The following HEMK2 variants were observed in gnomAD, a reference collection of about 807,000 sequenced individuals.
The protein encoded by HEMK2 is HemK methyltransferase 2, ETF1 glutamine and histone H4 lysine.
the HEMK2 span, among the ~76,000 whole-genome samples, chr21:28,768,633 T>C: frequency 6.6e-6 from 1 of 152,018 alleles, no homozygotes; most frequent in African/African-American, 2.4e-5. Context: ...CGGTCTCCTC[T>C]AGAGTACAAC....
chr21:28,856,445 G>A, the HEMK2 span, among the ~76,000 whole-genome samples: 1 of 152,082 alleles, frequency 6.6e-6, no homozygotes, highest in East Asian at 1.9e-4. Context: ...TAATAATTAA[G>A]GTTATTTTGG....
chr21:28,677,584 C>T, the HEMK2 span, among the ~76,000 whole-genome samples: 10,266 of 152,288 alleles, frequency 0.067, 550 homozygotes, highest in East Asian at 0.14. Context: ...GATCTGAGAA[C>T]GGACAGACTG....
At chr21:28,637,567 T>G in the HEMK2 span, among the ~76,000 whole-genome samples, 1 of 152,154 alleles carries the variant, frequency 6.6e-6, no homozygotes, top group Non-Finnish European at 1.5e-5. Context: ...GCCTCACTTC[T>G]CCACCTGGGG....
the HEMK2 span, among the ~76,000 whole-genome samples, chr21:28,668,001 G>T: frequency 6.6e-6 from 1 of 152,076 alleles, no homozygotes; most frequent in South Asian, 2.1e-4. Context: ...ACTCTGTCTG[G>T]GAAACACAGA....
the HEMK2 span, among the ~76,000 whole-genome samples, chr21:28,583,682 G>A: frequency 6.6e-6 from 1 of 152,148 alleles, no homozygotes; most frequent in Non-Finnish European, 1.5e-5. Flanking sequence ...TGGAAGTCTT[G>A]TTAAGACAGG....
At chr21:28,713,784 T>G in the HEMK2 span, among the ~76,000 whole-genome samples, 9 of 152,270 alleles carry the variant, frequency 5.9e-5, no homozygotes, top group African/African-American at 2.2e-4. Context: ...TCTGTGAAGA[T>G]GGCACATAGC....
chr21:28,678,478 T>G, the HEMK2 span, among the ~76,000 whole-genome samples: 11 of 152,098 alleles, frequency 7.2e-5, no homozygotes, highest in African/African-American at 2.7e-4. Flanking sequence ...CTGCAGGATA[T>G]TACCCAGGAG....
At chr21:28,712,364 A>G in the HEMK2 span, among the ~76,000 whole-genome samples, 1 of 152,252 alleles carries the variant, frequency 6.6e-6, no homozygotes. Flanking sequence ...AATAGAGAAG[A>G]AGAGGCAAAA....
the HEMK2 span, among the ~76,000 whole-genome samples, chr21:28,607,118 C>T: frequency 6.6e-6 from 1 of 152,050 alleles, no homozygotes; most frequent in African/African-American, 2.4e-5. Context: ...ATGGTAAAAA[C>T]ATTGTTTGAG....
At chr21:28,601,124 C>G in the HEMK2 span, among the ~76,000 whole-genome samples, 7 of 152,190 alleles carry the variant, frequency 4.6e-5, no homozygotes, top group African/African-American at 1.4e-4. Context: ...CCACCGGTAT[C>G]GTGTGCCTGG....
chr21:28,738,078 A>G, the HEMK2 span, among the ~76,000 whole-genome samples: 7 of 152,106 alleles, frequency 4.6e-5, no homozygotes, highest in Non-Finnish European at 7.4e-5. Flanking sequence ...GCAAGTGGAG[A>G]GCTCAGAATA....
chr21:28,796,660 G>A, the HEMK2 span, among the ~76,000 whole-genome samples: 3 of 152,106 alleles, frequency 2.0e-5, no homozygotes, highest in African/African-American at 7.2e-5. Flanking sequence ...TACCTCTTGG[G>A]CTCAAGTGAT....
At chr21:28,747,377 T>G in the HEMK2 span, among the ~76,000 whole-genome samples, 2 of 152,226 alleles carry the variant, frequency 1.3e-5, no homozygotes, top group Admixed American at 6.5e-5. Flanking sequence ...GCCAGATCAG[T>G]TTCTCTGAGT....
the HEMK2 span, among the ~76,000 whole-genome samples, chr21:28,817,339 T>C: frequency 5.2e-3 from 795 of 152,226 alleles, 7 homozygotes; most frequent in African/African-American, 0.018. Context: ...AAATTAAAGA[T>C]AATGTATAAT....
At chr21:28,700,681 G>A in the HEMK2 span, among the ~76,000 whole-genome samples, 84,588 of 151,986 alleles carry the variant, frequency 0.56, 26,208 homozygotes, top group East Asian at 0.84. Flanking sequence ...AAAAGTCCAG[G>A]ACCAGAAAGA....
chr21:28,825,246 T>C, the HEMK2 span, among the ~76,000 whole-genome samples: 3 of 152,170 alleles, frequency 2.0e-5, no homozygotes, highest in African/African-American at 7.2e-5. Context: ...CACAAATTGC[T>C]GGGCACCACC....
the HEMK2 span, among the ~76,000 whole-genome samples, chr21:28,660,672 T>C: frequency 1.3e-5 from 2 of 152,030 alleles, no homozygotes; most frequent in South Asian, 4.1e-4. Context: ...TTTAGGAGTT[T>C]TGGACCATTG....
At chr21:28,733,001 C>A in the HEMK2 span, among the ~76,000 whole-genome samples, 1 of 152,128 alleles carries the variant, frequency 6.6e-6, no homozygotes, top group African/African-American at 2.4e-5. Flanking sequence ...TAAGAATGAC[C>A]AGGCGTGGTG....
the HEMK2 span, among the ~76,000 whole-genome samples, chr21:28,647,530 A>G: frequency 6.7e-6 from 1 of 148,302 alleles, no homozygotes; most frequent in Non-Finnish European, 1.5e-5. Context: ...AAAAAAGAAA[A>G]AGAAAGTAGC....
Sources: allele counts gnomAD v4.1 joint callset (sites outside exome capture counted in the v4.1 genomes callset), GRCh38; gene constraint gnomAD v4.1.1; transcripts MANE v1.5; gene names NCBI Gene and HGNC (gene_info 2026-07-23, HGNC 2026-07-21).